Variants in ZC3H18 observed in about 807,000 individuals in gnomAD.
ZC3H18 encodes zinc finger CCCH-type containing 18.
ZC3H18 carries 8 observed loss-of-function variants against 106.1 expected under a neutral mutation model. The ratio of observed to expected loss-of-function variants is 0.08; its 90% CI spans 0.04 to 0.14. ZC3H18 has a LOEUF of 0.14. Ranked by LOEUF, ZC3H18 falls within the 10% of genes least tolerant of loss-of-function variation. The probability of loss-of-function intolerance (pLI) is 1.00; values close to 1 mark genes in which losing one functional copy is unlikely to be tolerated. For missense variants in ZC3H18, 1,318 were observed against 1,278.4 expected (o/e 1.03, Z -0.47); for synonymous variants, 635 against 522.1 (o/e 1.22, Z -2.95).
chr16:88,627,765 AGACCAG>A lies in ZC3H18; in HGVS notation c.2255_2260del (p.Thr752_Arg753del), dbSNP rs538373253. On this transcript the variant is annotated inframe_deletion, in exon 14 of 18. Transcript: ENST00000301011. The surrounding 1 kb of genome is among the most constrained non-coding windows in gnomAD (Gnocchi z 4.5). ...AGCTCTCGGTCCCCGGCCCCAGCCCAGACCAGGAAGGAGAAAGGTACTCAGGAGCCC... is the reference window on the plus strand; with the variant it reads ...AGCTCTCGGTCCCCGGCCCCAGCCCAGAAGGAGAAAGGTACTCAGGAGCCC... The A allele has an allele frequency of 1.9e-3, 3,060 of 1,611,646 alleles. 6 individuals carry two copies. Among genetic ancestry groups the A allele is most frequent in the Non-Finnish European group, 2.4e-3 (2,836 of 1,178,324 alleles).
chr16:88,579,690 C>T (rs371115951), intron 2 of ZC3H18, among the ~76,000 whole-genome samples: 1 of 152,176 alleles, frequency 6.6e-6, no homozygotes, highest in East Asian at 1.9e-4. Flanking sequence ...GCCTGCCCTG[C>T]CTGGCACCGT....
chr16:88,578,699 C>G (rs932105299), intron 2 of ZC3H18, among the ~76,000 whole-genome samples: 1 of 151,756 alleles, frequency 6.6e-6, no homozygotes, highest in Non-Finnish European at 1.5e-5. Flanking sequence ...ATGCCATGCT[C>G]CTTTTTTTTG....
chr16:88,594,756 GTGGGTGGGTATTT>G (rs1904341534), intron 3 of ZC3H18, among the ~76,000 whole-genome samples: 1 of 152,210 alleles, frequency 6.6e-6, no homozygotes, highest in Admixed American at 6.5e-5. Context: ...ACCTTTTAGA[GTGGGTGGGTATTT>G]TTTATTTACA....
intron 1 of ZC3H18, among the ~76,000 whole-genome samples, chr16:88,574,345 G>A (rs1334880363): frequency 6.6e-6 from 1 of 151,882 alleles, no homozygotes; most frequent in African/African-American, 2.4e-5. Flanking sequence ...AAGTAGCTTG[G>A]ATAACAGGCA....
At chr16:88,599,690 G>C (rs1904643850) in intron 5 of ZC3H18, 101 bp from the exon 6 acceptor site, 3 of 1,382,106 alleles carry the variant, frequency 2.2e-6, no homozygotes, top group African/African-American at 1.4e-5. Context: ...TCCTGCTCCT[G>C]CAGGGCTGCT....
At position 88,595,283 on chromosome 16, in the gene ZC3H18, C is replaced by T. The variant is rs188960931; in HGVS notation, c.689-2895C>T. On this transcript the variant is annotated intron_variant, in intron 3 of 17. Coordinates refer to ENST00000301011, the MANE Select transcript of ZC3H18 (RefSeq NM_144604.4). ...ATTTCAGCAGTGGAGGGGCCGCCTC[C>T]GCCCCGCTCCAGCGGCCTCTGTCCC... is the stretch of plus-strand genomic sequence containing the variant. 1.4e-4 allele frequency among the ~76,000 whole-genome samples: 21 copies of T among 152,106 alleles called. 1 individual carries two copies. The East Asian group carries it at 3.3e-3, about 24-fold the overall frequency.
intron 3 of ZC3H18, among the ~76,000 whole-genome samples, chr16:88,593,666 C>A (rs1310403757): frequency 1.3e-5 from 2 of 152,148 alleles, no homozygotes; most frequent in African/African-American, 4.8e-5. Context: ...TGACCCTGTG[C>A]GCTCTCCGTG....
In ZC3H18 at chr16:88,616,073, G is replaced by T. The variant is rs906582525; in HGVS notation, c.1475+4537G>T. ...ACGGATCCCAGGAGGCTTGGAGAGGGTAACTCTGCCAGCATGGCCACCAGG... is the reference window on the plus strand; with the variant it reads ...ACGGATCCCAGGAGGCTTGGAGAGGTTAACTCTGCCAGCATGGCCACCAGG... On this transcript the variant is annotated intron_variant, in intron 8 of 17. Coordinates refer to ENST00000301011, the MANE Select transcript of ZC3H18 (RefSeq NM_144604.4). 2.6e-5 allele frequency among the ~76,000 whole-genome samples: 4 copies of T among 152,146 alleles called. No homozygotes were observed. In the East Asian group the frequency reaches 7.7e-4, roughly 29 times the overall value.
intron 16 of ZC3H18, 53 bp from the exon 17 acceptor site, chr16:88,630,432 C>A: frequency 6.7e-7 from 1 of 1,488,430 alleles, no homozygotes; most frequent in Non-Finnish European, 9.3e-7. Context: ...GCCACCCACA[C>A]AGCCATTCCC....
chr16:88,615,316 C>G (rs1905528441), intron 8 of ZC3H18, among the ~76,000 whole-genome samples: 2 of 152,148 alleles, frequency 1.3e-5, no homozygotes, highest in South Asian at 4.1e-4. Flanking sequence ...CTCCCCATCC[C>G]CTCCTGCTTG....
At chr16:88,590,396 C>T (rs1235835336) in intron 3 of ZC3H18, among the ~76,000 whole-genome samples, 5 of 152,134 alleles carry the variant, frequency 3.3e-5, no homozygotes, top group South Asian at 2.1e-4. Flanking sequence ...GCTTTGTGTA[C>T]GCCTGCCCGG....
rs560435422 is a variant in ZC3H18 at position 88,623,898 on chromosome 16, G to T, written c.1794-60G>T. ...ATGGGTCTGGGTGGGTCCTCAGTGG[G>T]CTTGGGCTGGTGAAGAAACACCCCC... is the stretch of plus-strand genomic sequence containing the variant. On this transcript the variant is annotated intron_variant, in intron 10 of 17. Coordinates refer to ENST00000301011, the MANE Select transcript of ZC3H18 (RefSeq NM_144604.4). 110 of 1,547,464 alleles carry T rather than the reference G, an allele frequency of 7.1e-5. 2 individuals are homozygous for T. In the South Asian group the frequency reaches 1.2e-3, roughly 17 times the overall value.
intron 6 of ZC3H18, among the ~76,000 whole-genome samples, chr16:88,605,353 T>G (rs927389055): frequency 2.0e-5 from 3 of 152,262 alleles, no homozygotes; most frequent in African/African-American, 7.2e-5. Context: ...GCCTGCACTT[T>G]CAGTGGCCAG....
intron 3 of ZC3H18, among the ~76,000 whole-genome samples, chr16:88,592,066 G>C (rs537722566): frequency 8.5e-4 from 130 of 152,250 alleles, no homozygotes; most frequent in Non-Finnish European, 1.7e-3. Context: ...TGACCTGGTG[G>C]TTGTATGTTT....
At chr16:88,611,617 T>C in intron 8 of ZC3H18, 81 bp downstream of exon 8, 1 of 1,490,530 alleles carries the variant, frequency 6.7e-7, no homozygotes, top group Non-Finnish European at 9.0e-7. Flanking sequence ...GGCCTGCGCT[T>C]CCCCTCTGTG....
intron 8 of ZC3H18, among the ~76,000 whole-genome samples, chr16:88,620,234 AGCAAGACGTAGG>A (rs1567596697): frequency 6.6e-6 from 1 of 152,244 alleles, no homozygotes; most frequent in Non-Finnish European, 1.5e-5. Context: ...GCCAGAGGTG[AGCAAGACGTAGG>A]GCAGAGAATC....
At chr16:88,579,514 T>C (rs1485704541) in intron 2 of ZC3H18, among the ~76,000 whole-genome samples, 2 of 152,158 alleles carry the variant, frequency 1.3e-5, no homozygotes, top group African/African-American at 4.8e-5. Context: ...CTGTGGAGCA[T>C]ACTGTGAGTT....
chr16:88,619,706 C>T (rs1455256215), intron 8 of ZC3H18, among the ~76,000 whole-genome samples: 1 of 152,136 alleles, frequency 6.6e-6, no homozygotes, highest in African/African-American at 2.4e-5. Flanking sequence ...GCTGTTTTTC[C>T]TTCCCCCTCA....
intron 15 of ZC3H18, 159 bp from the exon 16 acceptor site, chr16:88,628,599 T>A (rs1003615293): frequency 5.6e-6 from 4 of 715,110 alleles, no homozygotes; most frequent in Non-Finnish European, 9.5e-6. Flanking sequence ...TTGGTCCGGG[T>A]CCTGGAGGCC....
Sources: allele counts gnomAD v4.1 joint callset (sites outside exome capture counted in the v4.1 genomes callset), GRCh38; gene constraint gnomAD v4.1.1; non-coding constraint Gnocchi (gnomAD v3.1); transcripts MANE v1.5; gene names NCBI Gene and HGNC (gene_info 2026-07-23, HGNC 2026-07-21).